The following UBXN6 variants were observed in gnomAD, a reference collection of about 807,000 sequenced individuals.
UBXN6 encodes UBX domain protein 6, also known as UBX domain-containing protein 6.
A neutral mutation model predicts 51.4 loss-of-function variants in UBXN6; 44 were observed. The ratio of observed to expected loss-of-function variants is 0.86; its 90% CI spans 0.67 to 1.10. The LOEUF is 1.10. Among genes scored for constraint, UBXN6 ranks in the 50% least tolerant of loss-of-function variants. The pLI is 0.00. For synonymous variants in UBXN6, 316 were observed against 263.2 expected, an observed-to-expected ratio of 1.20 and a Z score of -1.94; for missense variants, 672 against 596.1, an observed-to-expected ratio of 1.13 and a Z score of -1.32.
chr19:4,450,271 A>C (rs1474880238), intron 4 of UBXN6: 2 of 151,844 alleles, frequency 1.3e-5, no homozygotes, highest in Non-Finnish European at 2.9e-5. Context: ...GAATTCTCTC[A>C]GCATGGAAAT....
In UBXN6 at chr19:4,447,533, C is replaced by T; in HGVS notation, c.615+17G>A. 6.2e-7 allele frequency: 1 copy of T among 1,612,870 alleles called. No individual in the cohort carries two copies. Among genetic ancestry groups the T allele is most frequent in the Non-Finnish European group, 8.5e-7 (1 of 1,179,700 alleles). On this transcript the variant is annotated intron_variant, in intron 6 of 10. Transcript: ENST00000301281. ...CCACCCCCAGCCTGGGCCCCGGGGG[C>T]CAGAAGGCACGCCCACCTGAAACAC...
chr19:4,455,189 C>T (rs1196540692), intron 1 of UBXN6: 71 of 984,920 alleles, frequency 7.2e-5, no homozygotes, highest in Non-Finnish European at 8.2e-5. Flanking sequence ...CTGTCTCACC[C>T]GTCTCCTCTC....
rs867079683 is a variant in UBXN6 at position 4,445,275 on chromosome 19, C to T, written c.*223G>A. ...GAGGGCTTAGATTTGTTGGTGTCCC[C>T]AGGCCTCTCCCTCGGGGGCTTGGGC... On this transcript the variant is annotated 3_prime_UTR_variant, in exon 11 of 11. Transcript: ENST00000301281. The T allele has an allele frequency of 4.5e-6, 3 of 661,702 alleles. No individual in the cohort carries two copies. The highest frequency in any genetic ancestry group is 5.9e-5 in the Admixed American group (2 of 33,858). 41.0% of individuals were successfully genotyped at this position (661,702 alleles called of 1,614,324 possible). A position where few individuals can be genotyped will look rare whatever the true frequency, so the allele number is the denominator to read the frequency against.
intron 1 of UBXN6, among the ~76,000 whole-genome samples, chr19:4,454,305 CTGG>C (rs1163455293): frequency 6.6e-6 from 1 of 152,228 alleles, no homozygotes; most frequent in East Asian, 1.9e-4. Flanking sequence ...GAAGGAGATG[CTGG>C]TTCCACTCAG....
In UBXN6 at chr19:4,451,876, G is replaced by A. The variant is rs535194799; in HGVS notation, c.441+488C>T. The stretch of plus-strand genomic sequence containing the variant: ...TTTATGAAAAACAACCAGGCCACGC[G>A]TGGTGGCTCACGTCTGTAATCCTAG... On this transcript the variant is annotated intron_variant, in intron 4 of 10. Coordinates refer to ENST00000301281, the MANE Select transcript of UBXN6 (RefSeq NM_025241.3). Among the ~76,000 whole-genome samples, 22 of 152,138 alleles carry A rather than the reference G, an allele frequency of 1.4e-4. 1 individual carries two copies. In the South Asian group the frequency reaches 4.4e-3, roughly 30 times the overall value.
rs971522067 is a variant in UBXN6, at chr19:4,453,489, C to T, written c.281G>A (p.Ser94Asn). Residue 94 changes from serine to asparagine, a missense_variant, in exon 3 of 11, where the codon AGC (serine) becomes AAC (asparagine). Transcript: ENST00000301281. ...GGTCCCTGGGGCCTCGGGGCTCCCG[C>T]TGACGGTGGCTTCGGCTTGAAGTTC... The part of the protein sequence containing the change: ...RKELQAEATV[S>N]GSPEAPGTNV... 4 of 1,613,792 alleles carry T rather than the reference C, an allele frequency of 2.5e-6. No homozygotes were observed. In the Admixed American group the frequency reaches 6.7e-5, roughly 27 times the overall value.
At chr19:4,456,431 A>C (rs1396399072) in intron 1 of UBXN6, among the ~76,000 whole-genome samples, 14 of 72,392 alleles carry the variant, frequency 1.9e-4, no homozygotes, top group South Asian at 4.2e-4. Context: ...CCCAGCCCCC[A>C]CTCCCTCACA....
rs2145192837 is a variant in UBXN6 at position 4,457,686 on chromosome 19, G to T, written c.12C>A (p.Phe4Leu). The part of the protein sequence containing the change: MKK[F>L]FQEFKADIKF... ...TGATGTCGGCCTTGAACTCCTGAAA[G>T]AATTTCTTCATGGTGGCGGCTGGCC... Residue 4 changes from phenylalanine to leucine, a missense_variant, in exon 1 of 11, where the codon TTC (phenylalanine) becomes TTA (leucine). Coordinates refer to ENST00000301281, the MANE Select transcript of UBXN6 (RefSeq NM_025241.3). 1.9e-6 allele frequency: 3 copies of T among 1,574,434 alleles called. No homozygotes were observed. The highest frequency in any genetic ancestry group is 4.8e-5 in the East Asian group (2 of 41,522).
chr19:4,445,819 C>G, intron 10 of UBXN6, 196 bp from the exon 11 acceptor site: 2 of 1,063,698 alleles, frequency 1.9e-6, no homozygotes, highest in Non-Finnish European at 2.6e-6. Flanking sequence ...ACTGCACTAG[C>G]TAACGCACGT....
intron 5 of UBXN6, chr19:4,448,022 T>G (rs1161820701): frequency 1.9e-6 from 1 of 527,540 alleles, no homozygotes; most frequent in African/African-American, 1.9e-5. Flanking sequence ...CCCCCGATCC[T>G]GAGACCCGGG....
rs1974509692 is a variant in UBXN6, at chr19:4,446,136, C to T, written c.1113G>A (p.Gln371=). The stretch of plus-strand genomic sequence containing the variant: ...GCAGCTCAAAAGGCAGCCAGTCGCT[C>T]TGCAGGGCCTCCCGGACGAACCCGT... ...AVYGFVREAL[Q]SDWLPFELLA... Residue 371 remains glutamine, a synonymous_variant, in exon 10 of 11, where the codon CAG becomes CAA. Coordinates refer to ENST00000301281, the MANE Select transcript of UBXN6 (RefSeq NM_025241.3). The T allele has an allele frequency of 1.2e-6, 2 of 1,612,116 alleles. No individual in the cohort carries two copies. The highest frequency in any genetic ancestry group is 2.7e-5 in the African/African-American group (2 of 74,930).
chr19:4,457,540 C>G (rs1599683822), intron 1 of UBXN6, 75 bp downstream of exon 1: 2 of 1,397,184 alleles, frequency 1.4e-6, no homozygotes, highest in Non-Finnish European at 1.9e-6. Context: ...TCTCCCGAGC[C>G]GCCCAAGGCC....
rs569734108 is a variant in UBXN6 at position 4,446,309 on chromosome 19, C to T, written c.1025G>A (p.Arg342His). Residue 342 changes from arginine (R) to histidine (H), a missense_variant, in exon 9 of 11, where the codon CGC (arginine) becomes CAC (histidine). Transcript: ENST00000301281. ...RKYNYTLLRVRLPDGCLLQGT... is the reference protein window; with the variant it reads ...RKYNYTLLRVHLPDGCLLQGT... ...CTGCAGGAGGCAGCCATCGGGGAGG[C>T]GCACGCGCAGCAGCGTGTAGTTGTA... 184 of 1,572,076 alleles carry T rather than the reference C, an allele frequency of 1.2e-4. 2 individuals are homozygous for T. In the South Asian group the frequency reaches 1.8e-3, roughly 15 times the overall value.
chr19:4,452,229 A>T, intron 4 of UBXN6, 135 bp downstream of exon 4: 1 of 1,281,470 alleles, frequency 7.8e-7, no homozygotes, highest in Non-Finnish European at 1.1e-6. Flanking sequence ...TTGGGGTATC[A>T]GAGGAGGGGC....
Position 4,445,443 on chromosome 19 carries a change from G to C in UBXN6, c.*55C>G. ...GGAGGCCCTGGGGTGGCGGGGAGAG[G>C]AACAGGGAGAGCATGAGACAGACCC... On this transcript the variant is annotated 3_prime_UTR_variant, in exon 11 of 11. Transcript: ENST00000301281. The C allele has an allele frequency of 6.2e-7, 1 of 1,609,296 alleles. No homozygotes were observed. Among genetic ancestry groups the C allele is most frequent in the African/African-American group, 1.3e-5 (1 of 74,958 alleles).
In UBXN6 at chr19:4,447,442, G is replaced by T. The variant is rs747946051; in HGVS notation, c.615+108C>A. On this transcript the variant is annotated intron_variant, in intron 6 of 10. Transcript: ENST00000301281. ...CTTCACTGCTTGTGGCTCAACTCTC[G>T]CTAGCTCCTCCAGGGAGCCCACCGC... The T allele has an allele frequency of 2.5e-4, 309 of 1,233,646 alleles. 1 individual carries two copies. Among genetic ancestry groups the T allele is most frequent in the Non-Finnish European group, 3.5e-4 (293 of 843,642 alleles). The allele number at this position is 1,233,646 out of a possible 1,614,324, so 76.4% of individuals were successfully genotyped here. A position where few individuals can be genotyped will look rare whatever the true frequency, so the allele number is the denominator to read the frequency against.
intron 1 of UBXN6, among the ~76,000 whole-genome samples, chr19:4,456,822 G>A (rs768462696): frequency 5.9e-5 from 9 of 152,012 alleles, no homozygotes; most frequent in Non-Finnish European, 1.3e-4. Context: ...TGTCTCACCC[G>A]TCTTCTCCTC....
chr19:4,457,177 CAG>C (rs1163348527), intron 1 of UBXN6, among the ~76,000 whole-genome samples: 1 of 152,108 alleles, frequency 6.6e-6, no homozygotes, highest in Non-Finnish European at 1.5e-5. Flanking sequence ...GGTCCCCAGA[CAG>C]AGCTCTCCCT....
At chr19:4,457,303 G>T (rs1974752133) in intron 1 of UBXN6, among the ~76,000 whole-genome samples, 1 of 124,956 alleles carries the variant, frequency 8.0e-6, no homozygotes, top group Non-Finnish European at 1.7e-5. Flanking sequence ...GGACCCTCCT[G>T]CGGCCCCGCC....
Sources: allele counts gnomAD v4.1 joint callset (sites outside exome capture counted in the v4.1 genomes callset), GRCh38; gene constraint gnomAD v4.1.1; transcripts MANE v1.5; gene names NCBI Gene and HGNC (gene_info 2026-07-23, HGNC 2026-07-21).